FAM83B: variants seen among roughly 807,000 people sequenced by gnomAD.
FAM83B encodes the protein scaffolding CK1 anchoring protein B.
A neutral mutation model predicts 38.8 loss-of-function variants in FAM83B; 26 were observed. That is an observed-to-expected ratio of 0.67 (90% CI 0.49 to 0.93). The LOEUF (loss-of-function observed/expected upper bound fraction) is 0.93. Among genes scored for constraint, FAM83B ranks in the 40% least tolerant of loss-of-function variants. The pLI is 0.00. For missense variants in FAM83B, 1,237 were observed against 1,197.3 expected, an observed-to-expected ratio of 1.03 and a Z score of -0.49; for synonymous variants, 419 against 423.1, an observed-to-expected ratio of 0.99 and a Z score of 0.12.
chr6:54,866,103 G>A (rs1230786810), intron 1 of FAM83B, among the ~76,000 whole-genome samples: 4 of 151,700 alleles, frequency 2.6e-5, no homozygotes, highest in Admixed American at 1.3e-4. Context: ...GCTTGTGGAC[G>A]TGTGTAACTT....
intron 1 of FAM83B, 83 bp downstream of exon 1, chr6:54,846,909 G>GGGC (rs1554142385): frequency 3.8e-5 from 2 of 52,706 alleles, no homozygotes; most frequent in African/African-American, 1.7e-4. Context: ...TTGGGGTACT[G>GGGC]GGGGGGCCCG....
Position 54,940,100 on chromosome 6 carries a change from C to T in FAM83B, c.1129C>T (p.Pro377Ser). 1 of 1,614,082 alleles carries T rather than the reference C, an allele frequency of 6.2e-7. No homozygotes were observed. Among genetic ancestry groups the T allele is most frequent in the Non-Finnish European group, 8.5e-7 (1 of 1,180,010 alleles). Residue 377 changes from proline to serine, a missense_variant, in exon 5 of 5, where the codon CCC becomes TCC. Transcript: ENST00000306858. The part of the protein sequence containing the change: ...NGPNAIRQFQ[P>S]NQINENWKRH... ...TCCAAACGCAATACGTCAGTTTCAA[C>T]CCAATCAGATAAATGAAAATTGGAA...
At chr6:54,855,748 C>A (rs980073413) in intron 1 of FAM83B, among the ~76,000 whole-genome samples, 1 of 152,078 alleles carries the variant, frequency 6.6e-6, no homozygotes, top group South Asian at 2.1e-4. Context: ...ATCCAAAATA[C>A]GATTCACCAA....
intron 2 of FAM83B, among the ~76,000 whole-genome samples, chr6:54,907,194 T>C (rs1437592479): frequency 6.6e-6 from 1 of 152,188 alleles, no homozygotes; most frequent in Non-Finnish European, 1.5e-5. Flanking sequence ...GTTGTTTCTT[T>C]AGGATAGAAA....
At chr6:54,877,791 A>T (rs764692160) in intron 2 of FAM83B, among the ~76,000 whole-genome samples, 2 of 152,214 alleles carry the variant, frequency 1.3e-5, no homozygotes, top group Non-Finnish European at 2.9e-5. Context: ...GGTCAGCGGT[A>T]ATGAAGCAGA....
chr6:54,865,518 G>T (rs1341474731), intron 1 of FAM83B, among the ~76,000 whole-genome samples: 1 of 152,144 alleles, frequency 6.6e-6, no homozygotes, highest in Non-Finnish European at 1.5e-5. Flanking sequence ...TCCTGTTGGA[G>T]GATGTAGTGC....
intron 1 of FAM83B, among the ~76,000 whole-genome samples, chr6:54,847,079 A>G (rs1771156051): frequency 6.6e-6 from 1 of 152,016 alleles, no homozygotes; most frequent in African/African-American, 2.4e-5. Flanking sequence ...TGAGTTGAGA[A>G]GTTTGAAAAG....
At chr6:54,884,894 T>C (rs1191514327) in intron 2 of FAM83B, among the ~76,000 whole-genome samples, 6 of 151,690 alleles carry the variant, frequency 4.0e-5, no homozygotes, top group Non-Finnish European at 7.4e-5. Context: ...TGCCTCAGCC[T>C]CTCGAGTAGC....
intron 2 of FAM83B, among the ~76,000 whole-genome samples, chr6:54,907,461 C>T (rs1772799499): frequency 6.6e-6 from 1 of 152,120 alleles, no homozygotes; most frequent in Non-Finnish European, 1.5e-5. Context: ...AAACCTAGCA[C>T]TGCATCTCTT....
intron 2 of FAM83B, among the ~76,000 whole-genome samples, chr6:54,879,444 C>T (rs576201075): frequency 1.1e-3 from 170 of 152,250 alleles, no homozygotes; most frequent in Non-Finnish European, 2.1e-3. Context: ...AATTATTTCG[C>T]AATTCCTTTA....
At chr6:54,904,928 A>G (rs1486723991) in intron 2 of FAM83B, among the ~76,000 whole-genome samples, 1 of 152,186 alleles carries the variant, frequency 6.6e-6, no homozygotes, top group Non-Finnish European at 1.5e-5. Context: ...GAGCAGAGAA[A>G]GAAAGGAGGA....
chr6:54,877,248 G>A (rs1423767181), intron 2 of FAM83B, among the ~76,000 whole-genome samples: 1 of 152,176 alleles, frequency 6.6e-6, no homozygotes, highest in African/African-American at 2.4e-5. Context: ...TTGTTATAGA[G>A]GTGATAAGCT....
chr6:54,866,012 C>T (rs1287156694), intron 1 of FAM83B, among the ~76,000 whole-genome samples: 2 of 150,704 alleles, frequency 1.3e-5, no homozygotes, highest in South Asian at 2.1e-4. Flanking sequence ...GGTTGAAATG[C>T]ATTACCTTAT....
intron 1 of FAM83B, among the ~76,000 whole-genome samples, chr6:54,852,052 A>T (rs1469696285): frequency 1.4e-5 from 2 of 145,482 alleles, no homozygotes; most frequent in African/African-American, 4.9e-5. Context: ...AAGTGCTGGG[A>T]TTACAGGTGT....
intron 2 of FAM83B, among the ~76,000 whole-genome samples, chr6:54,916,859 T>A (rs1480118373): frequency 2.0e-5 from 3 of 152,224 alleles, no homozygotes; most frequent in African/African-American, 7.2e-5. Flanking sequence ...TTATATGTTA[T>A]GTTGCTATCT....
chr6:54,924,099 C>T (rs1264470599), intron 2 of FAM83B, among the ~76,000 whole-genome samples: 3 of 151,840 alleles, frequency 2.0e-5, no homozygotes, highest in African/African-American at 4.8e-5. Context: ...CTTTCTGTGT[C>T]TGCCTTATTT....
rs1180052965 is a variant in FAM83B, at chr6:54,927,545, T to G, written c.647T>G (p.Leu216Arg). 6.8e-6 allele frequency: 11 copies of G among 1,608,412 alleles called. No homozygotes were observed. Among genetic ancestry groups the G allele is most frequent in the Non-Finnish European group, 9.3e-6 (11 of 1,176,646 alleles). ...CGAACAGTAAAAGGCCAAGATTATCTTTCAAAAACAGGGGCAAAATTCCAT... is the reference window on the plus strand; with the variant it reads ...CGAACAGTAAAAGGCCAAGATTATCGTTCAAAAACAGGGGCAAAATTCCAT... ...RVRTVKGQDY[L>R]SKTGAKFHGK... The change falls in exon 4 of 5, where the codon CTT becomes CGT. Residue 216 changes from leucine (L) to arginine (R), a missense_variant. Physicochemically the swap from Leu to Arg is moderately radical, Grantham distance 102 (BLOSUM62 -2). Transcript: ENST00000306858.
chr6:54,846,363 G>C (rs998219463), upstream of FAM83B, among the ~76,000 whole-genome samples: 1 of 152,150 alleles, frequency 6.6e-6, no homozygotes, highest in Non-Finnish European at 1.5e-5. Flanking sequence ...AAGCGAGGAC[G>C]GGACCACGGC....
chr6:54,869,795 G>C (rs1398489965), intron 1 of FAM83B, among the ~76,000 whole-genome samples: 1 of 152,158 alleles, frequency 6.6e-6, no homozygotes, highest in African/African-American at 2.4e-5. Context: ...CGTACAATTT[G>C]CCTCCTCAAC....
Sources: gnomAD v4.1 joint callset for allele counts (sites outside exome capture counted in the v4.1 genomes callset) on GRCh38, gnomAD v4.1.1 for gene constraint, MANE v1.5 for transcripts, NCBI Gene and HGNC (gene_info 2026-07-23, HGNC 2026-07-21) for gene names.